CMSS1: variants seen among roughly 807,000 people sequenced by gnomAD.
The protein encoded by CMSS1 is protein CMSS1.
In CMSS1, 33 loss-of-function variants were observed where a neutral mutation model predicts 43.5. The ratio of observed to expected loss-of-function variants is 0.76; its 90% CI spans 0.57 to 1.01. CMSS1 has a LOEUF of 1.01. Ranked by LOEUF, CMSS1 falls within the 50% of genes least tolerant of loss-of-function variation. The probability of loss-of-function intolerance (pLI) is 0.00; values close to 1 mark genes in which losing one functional copy is unlikely to be tolerated. For synonymous variants in CMSS1, 115 were observed against 117.2 expected (o/e 0.98, Z 0.12); for missense variants, 313 against 326.4 (o/e 0.96, Z 0.32).
chr3:100,111,461 A>G (rs1231744227), intron 1 of CMSS1, among the ~76,000 whole-genome samples: 1 of 152,152 alleles, frequency 6.6e-6, no homozygotes, highest in African/African-American at 2.4e-5. Flanking sequence ...TGCCTTTCCT[A>G]CTACATAGGG....
intron 1 of CMSS1, 88 bp downstream of exon 1, chr3:99,818,131 G>T (rs1942359653): frequency 3.0e-6 from 4 of 1,327,728 alleles, no homozygotes; most frequent in Non-Finnish European, 4.2e-6. Flanking sequence ...CGATCGCGGT[G>T]TTTGCCCAGC....
chr3:100,048,719 T>C (rs965336824), intron 1 of CMSS1, among the ~76,000 whole-genome samples: 1 of 152,210 alleles, frequency 6.6e-6, no homozygotes, highest in African/African-American at 2.4e-5. Flanking sequence ...AGGTGGGTTT[T>C]ATGTTTCTCA....
intron 1 of CMSS1, among the ~76,000 whole-genome samples, chr3:99,843,748 C>T (rs987475497): frequency 1.9e-4 from 29 of 152,186 alleles, no homozygotes; most frequent in East Asian, 1.9e-4. Flanking sequence ...CCCTGGGCCA[C>T]GGACTGGTAG....
At chr3:99,987,589 T>C (rs1709382920) in intron 1 of CMSS1, among the ~76,000 whole-genome samples, 1 of 150,718 alleles carries the variant, frequency 6.6e-6, no homozygotes, top group Non-Finnish European at 1.5e-5. Flanking sequence ...TTATTTAAAC[T>C]AAGGGAGTTT....
chr3:100,149,904 G>A (rs1342705408), intron 2 of CMSS1, among the ~76,000 whole-genome samples: 4 of 152,106 alleles, frequency 2.6e-5, no homozygotes, highest in African/African-American at 9.7e-5. Flanking sequence ...TGCCTGCAGA[G>A]GTCTCTTGGG....
chr3:99,902,212 T>C (rs1706459395), intron 1 of CMSS1, among the ~76,000 whole-genome samples: 1 of 152,200 alleles, frequency 6.6e-6, no homozygotes, highest in African/African-American at 2.4e-5. Flanking sequence ...CTTAGTACCA[T>C]GTGACATTTT....
chr3:99,830,799 T>C (rs534013869), intron 1 of CMSS1, among the ~76,000 whole-genome samples: 1 of 152,332 alleles, frequency 6.6e-6, no homozygotes, highest in East Asian at 1.9e-4. Flanking sequence ...GAATGTGTGC[T>C]GTGTGCACAG....
intron 1 of CMSS1, among the ~76,000 whole-genome samples, chr3:100,004,297 T>C (rs950715793): frequency 1.3e-5 from 2 of 152,224 alleles, no homozygotes; most frequent in Non-Finnish European, 1.5e-5. Context: ...TGAAACTGTC[T>C]TGGGCTCAAG....
At chr3:99,877,555 C>T (rs190010799) in intron 1 of CMSS1, among the ~76,000 whole-genome samples, 1 of 152,290 alleles carries the variant, frequency 6.6e-6, no homozygotes, top group African/African-American at 2.4e-5. Context: ...ATACAGTATA[C>T]TAAGAGATGT....
In CMSS1 at chr3:100,180,151, T is replaced by C. The variant is rs1333900333; in HGVS notation, c.*1763T>C. The C allele has an allele frequency of 6.6e-6, 1 of 152,232 alleles. No homozygotes were observed. Among genetic ancestry groups the C allele is most frequent in the African/African-American group, 2.4e-5 (1 of 41,442 alleles). The allele number at this position is 152,232 out of a possible 1,614,324, so 9.4% of individuals were successfully genotyped here. ...CAGGGCCTAGCCCACGAAACCATTT[T>C]TTTCCTCCTAGGCCTCTGGGCCTGT... On this transcript the variant is annotated 3_prime_UTR_variant, in exon 10 of 10. Transcript: ENST00000421999.
At chr3:99,853,568 A>G (rs1176134577) in intron 1 of CMSS1, among the ~76,000 whole-genome samples, 2 of 152,202 alleles carry the variant, frequency 1.3e-5, no homozygotes, top group Admixed American at 6.5e-5. Flanking sequence ...CATTTTGTTC[A>G]GTGTTTTTGG....
rs568392241 is a variant in CMSS1 at position 99,955,701 on chromosome 3, A to AT, written c.64+137659dup. Among the ~76,000 whole-genome samples the AT allele has an allele frequency of 2.4e-3, 360 of 152,312 alleles. 1 individual carries two copies. Among genetic ancestry groups the AT allele is most frequent in the Admixed American group, 5.1e-3 (78 of 15,302 alleles). ...ACTTCCTGGAGCATTGATGATGAAG[A>AT]TCCTTCAGTGCCAATGTATTTAATT... is the stretch of plus-strand genomic sequence containing the variant. On this transcript the variant is annotated intron_variant, in intron 1 of 9. Coordinates refer to ENST00000421999, the MANE Select transcript of CMSS1 (RefSeq NM_032359.4).
chr3:99,855,654 GAACT>G (rs934029045), intron 1 of CMSS1, among the ~76,000 whole-genome samples: 1 of 152,152 alleles, frequency 6.6e-6, no homozygotes, highest in African/African-American at 2.4e-5. Context: ...TCTGAATGGA[GAACT>G]ATCAACTTAA....
intron 1 of CMSS1, among the ~76,000 whole-genome samples, chr3:99,909,616 A>G (rs1348928019): frequency 1.3e-5 from 2 of 152,222 alleles, no homozygotes; most frequent in East Asian, 3.8e-4. Context: ...AAATCTTTGC[A>G]TAAAGAAATA....
At chr3:100,121,118 G>A (rs1446654889) in intron 1 of CMSS1, among the ~76,000 whole-genome samples, 2 of 151,938 alleles carry the variant, frequency 1.3e-5, no homozygotes. Flanking sequence ...AATTCTTTAA[G>A]TTCTGGGCTA....
chr3:99,871,099 C>G (rs964590337), intron 1 of CMSS1, among the ~76,000 whole-genome samples: 9 of 152,214 alleles, frequency 5.9e-5, no homozygotes, highest in Non-Finnish European at 1.0e-4. Context: ...ATAACATACA[C>G]TGCCATACAA....
intron 1 of CMSS1, among the ~76,000 whole-genome samples, chr3:99,997,724 T>C (rs892926093): frequency 1.3e-5 from 2 of 152,218 alleles, no homozygotes; most frequent in African/African-American, 4.8e-5. Flanking sequence ...TTTAAAACTT[T>C]GTACACAGAG....
intron 1 of CMSS1, among the ~76,000 whole-genome samples, chr3:99,996,831 C>T (rs1291526702): frequency 1.3e-5 from 2 of 151,762 alleles, no homozygotes; most frequent in Non-Finnish European, 2.9e-5. Flanking sequence ...GTCCCTCCCA[C>T]AACACATGGG....
At chr3:99,936,467 C>G (rs1271969708) in intron 1 of CMSS1, among the ~76,000 whole-genome samples, 1 of 137,996 alleles carries the variant, frequency 7.2e-6, no homozygotes, top group East Asian at 2.1e-4. Flanking sequence ...CCTCCACCTC[C>G]TGGGTTCAAG....
Sources: gnomAD v4.1 joint callset for allele counts (sites outside exome capture counted in the v4.1 genomes callset) on GRCh38, gnomAD v4.1.1 for gene constraint, MANE v1.5 for transcripts, NCBI Gene and HGNC (gene_info 2026-07-23, HGNC 2026-07-21) for gene names.